Variants in FRMD6 observed in about 807,000 individuals in gnomAD.
FRMD6 encodes FERM domain-containing protein 6.
FRMD6 carries 37 observed loss-of-function variants against 73.2 expected under a neutral mutation model. That is an observed-to-expected ratio of 0.51 (90% CI 0.39 to 0.66). FRMD6 has a LOEUF of 0.66. Among genes scored for constraint, FRMD6 ranks in the 30% least tolerant of loss-of-function variants. The pLI, the probability that FRMD6 is intolerant of heterozygous loss-of-function variation, is 0.00. For synonymous variants in FRMD6, 273 were observed against 282.2 expected (o/e 0.97, Z 0.33); for missense variants, 714 against 780.5 (o/e 0.91, Z 1.02).
At chr14:51,533,964 C>A (rs1169846912) in intron 1 of FRMD6, among the ~76,000 whole-genome samples, 1 of 152,122 alleles carries the variant, frequency 6.6e-6, no homozygotes. Flanking sequence ...GGAAGAAAGT[C>A]TTTTGGGGAA....
intron 1 of FRMD6, among the ~76,000 whole-genome samples, chr14:51,568,070 C>G (rs1887877212): frequency 1.3e-5 from 2 of 152,228 alleles, no homozygotes; most frequent in South Asian, 4.1e-4. Context: ...GAAGCACTGG[C>G]TTGCCATAAA....
chr14:51,682,369 T>C (rs1000000014), intron 1 of FRMD6, among the ~76,000 whole-genome samples: 1 of 152,248 alleles, frequency 6.6e-6, no homozygotes, highest in Non-Finnish European at 1.5e-5. Flanking sequence ...TTTTTTGTTT[T>C]TTTTTTTAAG....
the FRMD6 span, among the ~76,000 whole-genome samples, chr14:51,452,939 G>A: frequency 2.0e-5 from 3 of 152,302 alleles, no homozygotes; most frequent in South Asian, 6.2e-4. Flanking sequence ...CCTCTCAGTG[G>A]TTTGATTGTG....
At chr14:51,545,196 A>C (rs1343364683) in intron 1 of FRMD6, among the ~76,000 whole-genome samples, 1 of 152,136 alleles carries the variant, frequency 6.6e-6, no homozygotes, top group Non-Finnish European at 1.5e-5. Context: ...AACCGAAGAC[A>C]TGATACAAGC....
chr14:51,633,047 G>A (rs978350376), intron 2 of FRMD6, among the ~76,000 whole-genome samples: 1 of 152,138 alleles, frequency 6.6e-6, no homozygotes, highest in Non-Finnish European at 1.5e-5. Flanking sequence ...ATATCAAGAT[G>A]TCTAGAATTT....
chr14:51,587,583 G>C (rs560309279), intron 2 of FRMD6, among the ~76,000 whole-genome samples: 1 of 152,136 alleles, frequency 6.6e-6, no homozygotes, highest in Non-Finnish European at 1.5e-5. Context: ...GTGTGTGCTT[G>C]ATATCTGCTG....
At chr14:51,499,027 A>G (rs1014315273) in intron 1 of FRMD6, among the ~76,000 whole-genome samples, 1 of 152,228 alleles carries the variant, frequency 6.6e-6, no homozygotes, top group African/African-American at 2.4e-5. Flanking sequence ...TCAATCTAAC[A>G]AGAAACAGAG....
At chr14:51,724,648 A>T (rs995981650) in intron 12 of FRMD6, among the ~76,000 whole-genome samples, 1 of 152,180 alleles carries the variant, frequency 6.6e-6, no homozygotes, top group Admixed American at 6.5e-5. Context: ...GATGTTTCTA[A>T]AGAGTTAAGG....
intron 2 of FRMD6, among the ~76,000 whole-genome samples, chr14:51,615,044 G>A (rs1319849187): frequency 1.3e-5 from 2 of 152,184 alleles, no homozygotes; most frequent in Admixed American, 6.5e-5. Flanking sequence ...AGCATTTAGA[G>A]TATGACTGAG....
At chr14:51,711,473 C>T in intron 7 of FRMD6, 58 bp from the exon 8 acceptor site, 1 of 1,121,538 alleles carries the variant, frequency 8.9e-7, no homozygotes, top group Non-Finnish European at 1.3e-6. Flanking sequence ...GCTAAATTGT[C>T]CACTGTAGAA....
chr14:51,615,158 G>A (rs960623482), intron 2 of FRMD6, among the ~76,000 whole-genome samples: 8 of 152,208 alleles, frequency 5.3e-5, no homozygotes, highest in African/African-American at 1.9e-4. Context: ...TAGTAGTCCA[G>A]CCTGTTCTAG....
At chr14:51,656,506 C>T (rs533967983) in intron 1 of FRMD6, among the ~76,000 whole-genome samples, 458 of 152,006 alleles carry the variant, frequency 3.0e-3, no homozygotes, top group South Asian at 7.5e-3. Flanking sequence ...CTCCACCTCC[C>T]GGGTCCAAAT....
At chr14:51,698,339 C>T (rs1896079630) in intron 3 of FRMD6, 107 bp downstream of exon 3, 2 of 597,852 alleles carry the variant, frequency 3.3e-6, no homozygotes, top group Non-Finnish European at 5.7e-6. Flanking sequence ...CTGTGATTGT[C>T]AAAATACCCA....
At chr14:51,629,009 T>G in intron 2 of FRMD6, among the ~76,000 whole-genome samples, 1 of 150,790 alleles carries the variant, frequency 6.6e-6, no homozygotes, top group Non-Finnish European at 1.5e-5. Context: ...CCCGAGTAGC[T>G]GGGACTACAG....
At chr14:51,447,410 A>C in the FRMD6 span, among the ~76,000 whole-genome samples, 2 of 152,182 alleles carry the variant, frequency 1.3e-5, no homozygotes, top group Non-Finnish European at 2.9e-5. Flanking sequence ...TATACAGTCC[A>C]GTGCACAAGC....
At chr14:51,453,927 G>T in the FRMD6 span, among the ~76,000 whole-genome samples, 2 of 152,166 alleles carry the variant, frequency 1.3e-5, no homozygotes, top group Non-Finnish European at 2.9e-5. Context: ...AGAAATCACA[G>T]AGGAGCCATT....
At chr14:51,625,164 G>C (rs1261287438) in intron 2 of FRMD6, among the ~76,000 whole-genome samples, 1 of 152,110 alleles carries the variant, frequency 6.6e-6, no homozygotes, top group Non-Finnish European at 1.5e-5. Context: ...GGCAGTTTGG[G>C]GGCACCTTCA....
At chr14:51,600,273 A>C (rs1889967371) in intron 2 of FRMD6, among the ~76,000 whole-genome samples, 1 of 152,118 alleles carries the variant, frequency 6.6e-6, no homozygotes, top group Non-Finnish European at 1.5e-5. Flanking sequence ...CAGGAGCTTA[A>C]TTTTTTTCCC....
At chr14:51,509,959 A>G (rs894121550) in intron 1 of FRMD6, among the ~76,000 whole-genome samples, 17 of 152,238 alleles carry the variant, frequency 1.1e-4, no homozygotes, top group African/African-American at 4.1e-4. Flanking sequence ...CCCTGAGGAC[A>G]ATCCCAATGG....
Sources: gnomAD v4.1 joint callset for allele counts (sites outside exome capture counted in the v4.1 genomes callset) on GRCh38, gnomAD v4.1.1 for gene constraint, MANE v1.5 for transcripts, NCBI Gene and HGNC (gene_info 2026-07-23, HGNC 2026-07-21) for gene names.